Variants in FANCC observed in about 807,000 individuals in gnomAD.
FANCC encodes Fanconi anemia group C protein.
A neutral mutation model predicts 71.3 loss-of-function variants in FANCC; 55 were observed. The ratio of observed to expected loss-of-function variants is 0.77; its 90% confidence interval spans 0.62 to 0.97. FANCC has a LOEUF of 0.97. Ranked by LOEUF, FANCC falls within the 50% of genes least tolerant of loss-of-function variation. The probability of loss-of-function intolerance (pLI) is 0.00; values close to 1 mark genes in which losing one functional copy is unlikely to be tolerated. For missense variants in FANCC, 678 were observed against 670.9 expected, an observed-to-expected ratio of 1.01 and a Z score of -0.12; for synonymous variants, 275 against 244.9, an observed-to-expected ratio of 1.12 and a Z score of -1.15.
chr9:95,219,106 T>C (rs1388431082), intron 4 of FANCC, among the ~76,000 whole-genome samples: 3 of 152,078 alleles, frequency 2.0e-5, no homozygotes, highest in Admixed American at 6.6e-5. Context: ...AGAGTTCGGA[T>C]GGGAATGCTG....
intron 1 of FANCC, among the ~76,000 whole-genome samples, chr9:95,278,642 A>C (rs1158878680): frequency 6.6e-6 from 1 of 152,182 alleles, no homozygotes; most frequent in Admixed American, 6.5e-5. Context: ...CTAAGCAATG[A>C]TGTGCACTAC....
intron 3 of FANCC, among the ~76,000 whole-genome samples, chr9:95,246,002 T>G (rs963778281): frequency 2.6e-5 from 4 of 151,914 alleles, no homozygotes; most frequent in Non-Finnish European, 5.9e-5. Context: ...CTAAGGGGGG[T>G]GCCATTGTAT....
chr9:95,132,821 TACAACCTGTACC>T (rs1341759127), intron 8 of FANCC, among the ~76,000 whole-genome samples: 1 of 152,266 alleles, frequency 6.6e-6, no homozygotes, highest in African/African-American at 2.4e-5. Flanking sequence ...TTTCACTTTG[TACAACCTGTACC>T]ACACTTTTAT....
intron 1 of FANCC, among the ~76,000 whole-genome samples, chr9:95,276,853 C>A (rs1833069898): frequency 6.6e-6 from 1 of 152,150 alleles, no homozygotes; most frequent in Non-Finnish European, 1.5e-5. Context: ...GAATACTCGC[C>A]CACAGTACAT....
intron 1 of FANCC, among the ~76,000 whole-genome samples, chr9:95,298,339 G>T (rs1412083468): frequency 6.6e-6 from 1 of 152,188 alleles, no homozygotes; most frequent in Non-Finnish European, 1.5e-5. Flanking sequence ...AACATACTTG[G>T]ATAAAAAGAT....
intron 2 of FANCC, among the ~76,000 whole-genome samples, chr9:95,247,877 A>G (rs1410126910): frequency 6.6e-6 from 1 of 152,256 alleles, no homozygotes; most frequent in Non-Finnish European, 1.5e-5. Context: ...TAATAACTAT[A>G]TAATCCCGTA....
At chr9:95,295,014 T>TA (rs1274131860) in intron 1 of FANCC, among the ~76,000 whole-genome samples, 1 of 150,880 alleles carries the variant, frequency 6.6e-6, no homozygotes, top group Non-Finnish European at 1.5e-5. Flanking sequence ...GATGTTGATC[T>TA]AAAAAAAAAG....
intron 8 of FANCC, 68 bp from the exon 9 acceptor site, chr9:95,126,649 A>G (rs376584866): frequency 6.6e-7 from 1 of 1,519,398 alleles, no homozygotes; most frequent in East Asian, 2.3e-5. Flanking sequence ...TGCTATTATC[A>G]GCCAAAGGAG....
Position 95,186,011 on chromosome 9 carries a change from C to G in FANCC, c.346-13864G>C, listed in dbSNP as rs536009298. Among the ~76,000 whole-genome samples the G allele has an allele frequency of 1.2e-4, 19 of 152,254 alleles. No individual in the cohort carries two copies. The South Asian group carries it at 3.7e-3, about 30-fold the overall frequency. ...TTTAAAATGGACTTATTATTCAGCA[C>G]TTTTTTGTTTTTGTTTTTTAGGAGA... On this transcript the variant is annotated intron_variant, in intron 4 of 14. Transcript: ENST00000289081.
At chr9:95,266,654 A>T (rs1402596750) in intron 1 of FANCC, among the ~76,000 whole-genome samples, 7 of 152,196 alleles carry the variant, frequency 4.6e-5, no homozygotes, top group South Asian at 2.1e-4. Context: ...ATGAATTTTT[A>T]AAAAATTACC....
intron 1 of FANCC, among the ~76,000 whole-genome samples, chr9:95,273,264 A>T (rs1832841349): frequency 6.6e-6 from 1 of 152,198 alleles, no homozygotes; most frequent in Admixed American, 6.5e-5. Flanking sequence ...TTTTGTACTG[A>T]TTATCAACCT....
chr9:95,193,386 T>C, intron 4 of FANCC, among the ~76,000 whole-genome samples: 1 of 152,080 alleles, frequency 6.6e-6, no homozygotes, highest in Non-Finnish European at 1.5e-5. Flanking sequence ...GAGATGAGGG[T>C]GGAGACGAAA....
intron 4 of FANCC, among the ~76,000 whole-genome samples, chr9:95,229,947 CAGT>C: frequency 6.6e-6 from 1 of 152,200 alleles, no homozygotes; most frequent in African/African-American, 2.4e-5. Flanking sequence ...TTTATCCATT[CAGT>C]AGTTTTTTAT....
chr9:95,157,703 A>G (rs992185762), intron 6 of FANCC, among the ~76,000 whole-genome samples: 2 of 152,080 alleles, frequency 1.3e-5, no homozygotes, highest in African/African-American at 4.8e-5. Flanking sequence ...GGATCTCCAC[A>G]CTCTGACAAA....
chr9:95,183,737 G>A (rs1228227761), intron 4 of FANCC, among the ~76,000 whole-genome samples: 1 of 152,174 alleles, frequency 6.6e-6, no homozygotes, highest in Non-Finnish European at 1.5e-5. Flanking sequence ...TTCGGGTGCT[G>A]GGATTAGAAC....
chr9:95,113,038 C>T lies in FANCC; in HGVS notation c.1155-1401G>A, dbSNP rs3780563. 1.8e-4 allele frequency among the ~76,000 whole-genome samples: 28 copies of T among 152,346 alleles called. No homozygotes were observed. In the East Asian group the frequency reaches 4.2e-3, roughly 23 times the overall value. ...GGGCTGTTTATGCCACCTGCATCTA[C>T]GTCCTGTCCCCGAGTTAAGATTCTT... On this transcript the variant is annotated intron_variant, in intron 12 of 14. Transcript: ENST00000289081.
intron 3 of FANCC, 38 bp from the exon 4 acceptor site, chr9:95,240,781 A>G: frequency 8.2e-7 from 1 of 1,215,952 alleles, no homozygotes; most frequent in Non-Finnish European, 1.2e-6. Context: ...TATCAAGCAG[A>G]AAAAATCATT....
intron 4 of FANCC, among the ~76,000 whole-genome samples, chr9:95,183,249 T>C (rs1826488408): frequency 6.6e-6 from 1 of 152,190 alleles, no homozygotes; most frequent in Admixed American, 6.5e-5. Flanking sequence ...GTCTCTGTGG[T>C]TCCTCCCTTG....
At chr9:95,264,745 C>T (rs1202717693) in intron 1 of FANCC, among the ~76,000 whole-genome samples, 2 of 152,092 alleles carry the variant, frequency 1.3e-5, no homozygotes, top group African/African-American at 4.8e-5. Flanking sequence ...ACTTAGCTTC[C>T]AATCAATCAA....
Sources: gnomAD v4.1 joint callset for allele counts (sites outside exome capture counted in the v4.1 genomes callset) on GRCh38, gnomAD v4.1.1 for gene constraint, MANE v1.5 for transcripts, NCBI Gene and HGNC (gene_info 2026-07-23, HGNC 2026-07-21) for gene names.